The following TRIO variants were observed in gnomAD, a reference collection of about 807,000 sequenced individuals.
TRIO encodes triple functional domain protein.
In TRIO, 58 loss-of-function variants were observed where a neutral mutation model predicts 351.9. That is an observed-to-expected ratio of 0.16 (90% CI 0.13 to 0.21). The LOEUF is 0.21. Ranked by LOEUF, TRIO falls within the 10% of genes least tolerant of loss-of-function variation. The pLI, the probability that TRIO is intolerant of heterozygous loss-of-function variation, is 1.00. For missense variants in TRIO, 3,201 were observed against 4,027.8 expected, an observed-to-expected ratio of 0.79 and a Z score of 5.56; for synonymous variants, 1,758 against 1,595.7, an observed-to-expected ratio of 1.10 and a Z score of -2.42.
chr5:14,339,552 G>A (rs554834267), intron 11 of TRIO, among the ~76,000 whole-genome samples: 10 of 152,294 alleles, frequency 6.6e-5, no homozygotes, highest in Non-Finnish European at 8.8e-5. Context: ...TAGTAGCAGA[G>A]AAACTGGCAT....
At chr5:14,295,514 A>G (rs926479183) in intron 6 of TRIO, among the ~76,000 whole-genome samples, 8 of 152,232 alleles carry the variant, frequency 5.3e-5, no homozygotes, top group Admixed American at 1.3e-4. Flanking sequence ...ATGGGCAGGT[A>G]TGGTCAGTGG....
chr5:14,191,550 A>AAAAG (rs1490215600), intron 1 of TRIO, among the ~76,000 whole-genome samples: 1 of 152,082 alleles, frequency 6.6e-6, no homozygotes, highest in African/African-American at 2.4e-5. Context: ...AAAAAAAAAA[A>AAAAG]AAAAGTGGTA....
chr5:14,181,554 G>A (rs1339705819), intron 1 of TRIO, among the ~76,000 whole-genome samples: 2 of 151,966 alleles, frequency 1.3e-5, no homozygotes, highest in Non-Finnish European at 2.9e-5. Context: ...TGGATGTGGA[G>A]CGTTTCTGGG....
At chr5:14,390,388 C>A in intron 26 of TRIO, 88 bp downstream of exon 26, 3 of 1,213,194 alleles carry the variant, frequency 2.5e-6, no homozygotes, top group South Asian at 1.3e-5. Flanking sequence ...TCCTTTAAGT[C>A]ACCATCTTCT....
intron 33 of TRIO, among the ~76,000 whole-genome samples, chr5:14,411,919 A>T (rs1335406092): frequency 6.6e-6 from 1 of 151,574 alleles, no homozygotes; most frequent in Non-Finnish European, 1.5e-5. Context: ...AGTTTCAGTT[A>T]TTCTTAATGA....
intron 34 of TRIO, chr5:14,420,540 G>A (rs1750033148): frequency 6.5e-6 from 1 of 153,102 alleles, no homozygotes; most frequent in Non-Finnish European, 1.5e-5. Flanking sequence ...TTAGGCTGTT[G>A]TTTCTCCAGA....
chr5:14,257,396 C>T (rs1039296807), intron 1 of TRIO, among the ~76,000 whole-genome samples: 2 of 152,092 alleles, frequency 1.3e-5, no homozygotes, highest in Non-Finnish European at 2.9e-5. Context: ...CTTTTGTTGT[C>T]ACCATTTGGG....
chr5:14,206,994 A>G (rs1791498984), intron 1 of TRIO, among the ~76,000 whole-genome samples: 1 of 152,228 alleles, frequency 6.6e-6, no homozygotes, highest in African/African-American at 2.4e-5. Flanking sequence ...TAAATTTAAA[A>G]CTATAAAACT....
At chr5:14,262,660 G>A (rs898340775) in intron 1 of TRIO, among the ~76,000 whole-genome samples, 4 of 152,160 alleles carry the variant, frequency 2.6e-5, no homozygotes, top group African/African-American at 9.7e-5. Context: ...TCATGGGACT[G>A]TGGAGTCCCT....
At chr5:14,276,080 G>A (rs1167574782) in intron 2 of TRIO, among the ~76,000 whole-genome samples, 1 of 149,580 alleles carries the variant, frequency 6.7e-6, no homozygotes, top group African/African-American at 2.5e-5. Context: ...ATAGCTTTTT[G>A]GGGTGCAGTG....
chr5:14,187,383 A>T (rs1790186966), intron 1 of TRIO, among the ~76,000 whole-genome samples: 4 of 152,128 alleles, frequency 2.6e-5, no homozygotes, highest in South Asian at 4.2e-4. Context: ...CTCTTAAGGT[A>T]CAGAGAGAAT....
chr5:14,443,028 G>A (rs940649567), intron 34 of TRIO, among the ~76,000 whole-genome samples: 9 of 152,174 alleles, frequency 5.9e-5, no homozygotes, highest in African/African-American at 1.9e-4. Flanking sequence ...GGGAATTTTT[G>A]AATCTTAGTG....
At chr5:14,320,700 C>G (rs564871341) in intron 9 of TRIO, among the ~76,000 whole-genome samples, 2 of 152,196 alleles carry the variant, frequency 1.3e-5, no homozygotes, top group South Asian at 4.1e-4. Flanking sequence ...ATGTGCGATG[C>G]TCTGAAAGTT....
chr5:14,234,256 G>A (rs2152226138), intron 1 of TRIO, among the ~76,000 whole-genome samples: 1 of 152,332 alleles, frequency 6.6e-6, no homozygotes, highest in South Asian at 2.1e-4. Flanking sequence ...GGATAAAAAA[G>A]TACAGTTCAG....
intron 1 of TRIO, among the ~76,000 whole-genome samples, chr5:14,215,692 A>G (rs1442091522): frequency 6.6e-6 from 1 of 152,208 alleles, no homozygotes; most frequent in Non-Finnish European, 1.5e-5. Flanking sequence ...CAGTGATTCC[A>G]TGAAGTGTGA....
intron 6 of TRIO, among the ~76,000 whole-genome samples, chr5:14,295,990 C>T (rs1737327989): frequency 6.6e-6 from 1 of 152,138 alleles, no homozygotes; most frequent in African/African-American, 2.4e-5. Flanking sequence ...AAAGAAGATA[C>T]AAAGAAATAA....
chr5:14,387,415 T>A lies in TRIO; in HGVS notation c.3571-23T>A, dbSNP rs781197283. On this transcript the variant is annotated intron_variant, in intron 21 of 56. Coordinates refer to ENST00000344204, the MANE Select transcript of TRIO (RefSeq NM_007118.4). ...GCAGTCGGATTCATTTGCCTCACAATACTTTCCTGTTGTTTTTTGCAGCAA... is the reference window on the plus strand; with the variant it reads ...GCAGTCGGATTCATTTGCCTCACAAAACTTTCCTGTTGTTTTTTGCAGCAA... 5 of 1,586,086 alleles carry A rather than the reference T, an allele frequency of 3.2e-6. No homozygotes were observed. The African/African-American group carries it at 5.4e-5, about 17-fold the overall frequency.
chr5:14,331,755 T>G (rs1012677023), intron 10 of TRIO, among the ~76,000 whole-genome samples: 1 of 152,150 alleles, frequency 6.6e-6, no homozygotes, highest in African/African-American at 2.4e-5. Flanking sequence ...GCATGCAGTT[T>G]TGCAGAGTCA....
At chr5:14,421,423 T>A (rs988688094) in intron 34 of TRIO, among the ~76,000 whole-genome samples, 10 of 151,264 alleles carry the variant, frequency 6.6e-5, no homozygotes, top group African/African-American at 2.4e-4. Context: ...ACCAACATGG[T>A]GAAACCCCGT....
Sources: allele counts gnomAD v4.1 joint callset (sites outside exome capture counted in the v4.1 genomes callset), GRCh38; gene constraint gnomAD v4.1.1; transcripts MANE v1.5; gene names NCBI Gene and HGNC (gene_info 2026-07-23, HGNC 2026-07-21).